Variants in WDPCP observed in about 807,000 individuals in gnomAD.
The protein encoded by WDPCP is WD repeat-containing and planar cell polarity effector protein fritz homolog.
WDPCP carries 71 observed loss-of-function variants against 93.1 expected under a neutral mutation model. The observed-to-expected ratio is 0.76, with a 90% CI of 0.63 to 0.93. The LOEUF is 0.93. Ranked by LOEUF, WDPCP falls within the 40% of genes least tolerant of loss-of-function variation. The pLI, the probability that WDPCP is intolerant of heterozygous loss-of-function variation, is 0.00. For missense variants in WDPCP, 844 were observed against 887.4 expected (o/e 0.95, Z 0.62); for synonymous variants, 315 against 315.0 (o/e 1.00, Z 0.00).
chr2:63,721,999 G>A (rs1465565511), intron 2 of WDPCP, among the ~76,000 whole-genome samples: 2 of 152,132 alleles, frequency 1.3e-5, no homozygotes, highest in Admixed American at 1.3e-4. Flanking sequence ...CCGAGGTGCC[G>A]GGATTGCAGA....
intron 12 of WDPCP, among the ~76,000 whole-genome samples, chr2:63,351,395 T>A (rs998479605): frequency 4.6e-5 from 7 of 152,024 alleles, no homozygotes; most frequent in Admixed American, 4.6e-4. Context: ...ACCTAATACC[T>A]GATAGGTAGT....
At chr2:63,589,214 G>T, upstream of WDPCP, 1 of 1,574,938 alleles carries the variant, frequency 6.3e-7, no homozygotes, top group East Asian at 2.3e-5. Context: ...CCCAGTAATG[G>T]GAAGGGATTG....
At chr2:63,308,099 A>C (rs1575108988) in intron 13 of WDPCP, among the ~76,000 whole-genome samples, 1 of 152,354 alleles carries the variant, frequency 6.6e-6, no homozygotes, top group East Asian at 1.9e-4. Context: ...ATGAACAGAC[A>C]CTTCTCAAAA....
intron 14 of WDPCP, among the ~76,000 whole-genome samples, chr2:63,191,404 A>C (rs1383082359): frequency 6.6e-6 from 1 of 152,152 alleles, no homozygotes; most frequent in Non-Finnish European, 1.5e-5. Flanking sequence ...AAGAAAAAAA[A>C]GAAAAAATTG....
At chr2:63,605,213 T>A in intron 3 of WDPCP, 4 of 1,064,214 alleles carry the variant, frequency 3.8e-6, no homozygotes, top group Non-Finnish European at 5.7e-6. Context: ...AAGGTCGACT[T>A]GGAATTAATG....
chr2:63,688,227 C>T (rs1668838596), intron 2 of WDPCP, among the ~76,000 whole-genome samples: 1 of 152,060 alleles, frequency 6.6e-6, no homozygotes, highest in Non-Finnish European at 1.5e-5. Flanking sequence ...GAGATCGAGA[C>T]CAGCCTGGCT....
chr2:63,569,078 T>C (rs543901442), intron 1 of WDPCP, among the ~76,000 whole-genome samples: 8 of 151,992 alleles, frequency 5.3e-5, no homozygotes, highest in Admixed American at 2.0e-4. Context: ...ACAACCTAAA[T>C]ATCATTAAAT....
intron 2 of WDPCP, among the ~76,000 whole-genome samples, chr2:63,680,141 T>C (rs988868517): frequency 1.3e-5 from 2 of 152,194 alleles, no homozygotes; most frequent in African/African-American, 4.8e-5. Context: ...AAGCCTTCAC[T>C]GATCACCTCC....
chr2:63,299,496 C>T (rs1481835036), intron 13 of WDPCP, among the ~76,000 whole-genome samples: 1 of 152,086 alleles, frequency 6.6e-6, no homozygotes, highest in Non-Finnish European at 1.5e-5. Context: ...GTGACAGGTC[C>T]AAGCATCAAA....
At chr2:63,840,389 T>A in the WDPCP span, among the ~76,000 whole-genome samples, 1 of 152,156 alleles carries the variant, frequency 6.6e-6, no homozygotes, top group African/African-American at 2.4e-5. Context: ...CAGTTCCACG[T>A]TGAAGAGAAA....
chr2:63,752,357 C>A, intron 2 of WDPCP: 1 of 784,486 alleles, frequency 1.3e-6, no homozygotes, highest in Non-Finnish European at 2.3e-6. Flanking sequence ...TCTTTGAGAA[C>A]CTTCTCTTGA....
chr2:63,728,685 G>A (rs866641259), intron 2 of WDPCP, among the ~76,000 whole-genome samples: 1 of 152,110 alleles, frequency 6.6e-6, no homozygotes, highest in Non-Finnish European at 1.5e-5. Flanking sequence ...AAGTTGAATA[G>A]CATGACTTGA....
At chr2:63,365,078 C>G (rs905560008) in intron 12 of WDPCP, among the ~76,000 whole-genome samples, 26 of 152,158 alleles carry the variant, frequency 1.7e-4, no homozygotes, top group Admixed American at 1.6e-3. Context: ...ACTTTGGCAA[C>G]TGCAGTCAAA....
In WDPCP at chr2:63,404,577, C is replaced by A. The variant is rs981187939; in HGVS notation, c.906G>T (p.Val302=). 1.2e-6 allele frequency: 2 copies of A among 1,613,950 alleles called. No individual in the cohort carries two copies. The highest frequency in any genetic ancestry group is 2.2e-5 in the East Asian group (1 of 44,866). The part of the protein sequence containing the change: ...GTKQPYQVFT[V]EHSVSVDKEP... ...CTTTGTCTACACTTACGGAGTGCTC[C>A]ACTGTGAACACCTGATAAGGCTGTT... The change falls in exon 10 of 18, where the codon GTG becomes GTT. Residue 302 remains valine, a synonymous_variant. Coordinates refer to ENST00000272321, the MANE Select transcript of WDPCP (RefSeq NM_015910.7).
chr2:63,513,889 G>A (rs765784389), intron 1 of WDPCP, among the ~76,000 whole-genome samples: 39 of 151,754 alleles, frequency 2.6e-4, no homozygotes, highest in South Asian at 1.2e-3. Context: ...AAGCTCTTGT[G>A]TCACATAAGA....
intron 6 of WDPCP, among the ~76,000 whole-genome samples, chr2:63,471,603 A>T (rs1226733815): frequency 6.6e-6 from 1 of 152,156 alleles, no homozygotes; most frequent in Admixed American, 6.5e-5. Flanking sequence ...ATATATGCAG[A>T]TTTACCATAT....
intron 6 of WDPCP, among the ~76,000 whole-genome samples, chr2:63,457,365 A>C (rs1456941325): frequency 6.6e-6 from 1 of 152,122 alleles, no homozygotes; most frequent in East Asian, 1.9e-4. Flanking sequence ...GACCAGGTGG[A>C]TTCCCTGCAG....
At chr2:63,210,940 G>A (rs1375526534) in intron 14 of WDPCP, among the ~76,000 whole-genome samples, 1 of 152,212 alleles carries the variant, frequency 6.6e-6, no homozygotes, top group African/African-American at 2.4e-5. Context: ...GCTTGACTAG[G>A]TAAACAAAGC....
At chr2:63,149,365 T>C (rs1347975419) in intron 17 of WDPCP, among the ~76,000 whole-genome samples, 1 of 152,156 alleles carries the variant, frequency 6.6e-6, no homozygotes, top group East Asian at 1.9e-4. Context: ...ACCTGAGTGT[T>C]TAAGTATTAG....
Sources: allele counts gnomAD v4.1 joint callset (sites outside exome capture counted in the v4.1 genomes callset), GRCh38; gene constraint gnomAD v4.1.1; transcripts MANE v1.5; gene names NCBI Gene and HGNC (gene_info 2026-07-23, HGNC 2026-07-21).